Variants in ANTXR2 observed in about 807,000 individuals in gnomAD.
ANTXR2 encodes the protein ANTXR cell adhesion molecule 2.
Under a neutral mutation model 73.7 loss-of-function variants are expected in ANTXR2, and 44 were observed. The observed-to-expected ratio is 0.60, with a 90% CI of 0.47 to 0.77. The LOEUF is 0.77. Ranked by LOEUF, ANTXR2 falls within the 30% of genes least tolerant of loss-of-function variation. The probability of loss-of-function intolerance (pLI) is 0.00; values close to 1 mark genes in which losing one functional copy is unlikely to be tolerated. For missense variants in ANTXR2, 604 were observed against 592.5 expected (o/e 1.02, Z -0.20); for synonymous variants, 217 against 205.9 (o/e 1.05, Z -0.46).
chr4:79,973,665 G>A (rs1294214148), intron 16 of ANTXR2, among the ~76,000 whole-genome samples: 1 of 152,200 alleles, frequency 6.6e-6, no homozygotes. Context: ...CTGGCCTCAA[G>A]TGACCCACCT....
At chr4:80,041,791 CA>C (rs1335705075) in intron 7 of ANTXR2, among the ~76,000 whole-genome samples, 1 of 152,080 alleles carries the variant, frequency 6.6e-6, no homozygotes, top group Non-Finnish European at 1.5e-5. Flanking sequence ...TTGCAAAGGA[CA>C]TGATCTCATT....
intron 16 of ANTXR2, among the ~76,000 whole-genome samples, chr4:79,974,940 A>T (rs1729568641): frequency 6.6e-6 from 1 of 152,228 alleles, no homozygotes; most frequent in South Asian, 2.1e-4. Context: ...TATCTAACAG[A>T]TTACCTGATA....
chr4:80,054,861 T>C (rs1172549307), intron 6 of ANTXR2, among the ~76,000 whole-genome samples: 1 of 151,354 alleles, frequency 6.6e-6, no homozygotes, highest in Admixed American at 6.6e-5. Flanking sequence ...TATAATAACA[T>C]TTTGTCAATT....
At chr4:79,966,349 T>C (rs1729365159) in intron 16 of ANTXR2, among the ~76,000 whole-genome samples, 1 of 152,150 alleles carries the variant, frequency 6.6e-6, no homozygotes, top group African/African-American at 2.4e-5. Context: ...GTAAAAACCA[T>C]AAGGTTCAGT....
intron 16 of ANTXR2, among the ~76,000 whole-genome samples, chr4:79,944,771 C>G (rs1728454288): frequency 6.6e-6 from 1 of 152,150 alleles, no homozygotes; most frequent in South Asian, 2.1e-4. Flanking sequence ...TCCACCACTG[C>G]TGGCAGACTC....
intron 16 of ANTXR2, among the ~76,000 whole-genome samples, chr4:79,919,902 TATATATATATATATATATAA>T (rs1327984795): frequency 1.7e-3 from 29 of 17,154 alleles, no homozygotes; most frequent in African/African-American, 3.9e-3. Flanking sequence ...TATATATATA[TATATATATATATATATATAA>T]AAAATGATAG....
intron 14 of ANTXR2, among the ~76,000 whole-genome samples, chr4:79,981,949 T>G (rs1054720699): frequency 6.6e-6 from 1 of 152,196 alleles, no homozygotes; most frequent in African/African-American, 2.4e-5. Flanking sequence ...ACTTGAATTA[T>G]AGGTTAGTTA....
At chr4:79,995,032 C>T (rs1730657490) in intron 12 of ANTXR2, among the ~76,000 whole-genome samples, 1 of 151,978 alleles carries the variant, frequency 6.6e-6, no homozygotes, top group Non-Finnish European at 1.5e-5. Context: ...CCTGTTAGGT[C>T]CCAACCAGCC....
chr4:79,956,859 C>T (rs1018938178), intron 16 of ANTXR2, among the ~76,000 whole-genome samples: 12 of 151,918 alleles, frequency 7.9e-5, no homozygotes, highest in African/African-American at 2.9e-4. Context: ...AAGGAGACCC[C>T]GGGCAAATCA....
chr4:79,915,854 C>CTATATATA (rs1384449714), intron 16 of ANTXR2, among the ~76,000 whole-genome samples: 157 of 111,234 alleles, frequency 1.4e-3, no homozygotes, highest in Non-Finnish European at 1.8e-3. Flanking sequence ...CTCTCTCTCT[C>CTATATATA]TCTCTCTCTA....
chr4:80,062,910 A>T (rs1384567260), intron 3 of ANTXR2, among the ~76,000 whole-genome samples: 1 of 152,192 alleles, frequency 6.6e-6, no homozygotes, highest in Non-Finnish European at 1.5e-5. Flanking sequence ...GATGAAAATA[A>T]GGATGGTGTC....
intron 9 of ANTXR2, among the ~76,000 whole-genome samples, chr4:80,032,597 G>A (rs1732749128): frequency 6.6e-6 from 1 of 151,816 alleles, no homozygotes; most frequent in African/African-American, 2.4e-5. Flanking sequence ...CCAAAGCTGT[G>A]TTAATTGGAG....
At chr4:80,020,188 G>A (rs766783707) in intron 10 of ANTXR2, among the ~76,000 whole-genome samples, 6 of 152,002 alleles carry the variant, frequency 3.9e-5, no homozygotes, top group African/African-American at 9.7e-5. Context: ...GACCAGCCCC[G>A]GCAACACAGT....
intron 11 of ANTXR2, among the ~76,000 whole-genome samples, chr4:80,009,649 C>T (rs907932717): frequency 1.3e-5 from 2 of 151,914 alleles, no homozygotes; most frequent in Middle Eastern, 3.2e-3. Context: ...GAGTATGAGA[C>T]CAGCCTGGCC....
At chr4:80,000,391 T>C (rs1189844389) in intron 12 of ANTXR2, among the ~76,000 whole-genome samples, 1 of 152,074 alleles carries the variant, frequency 6.6e-6, no homozygotes, top group Non-Finnish European at 1.5e-5. Context: ...AGGTACTCTA[T>C]TTTGAATTTG....
At chr4:79,913,079 A>G (rs1727210111) in intron 16 of ANTXR2, among the ~76,000 whole-genome samples, 1 of 152,118 alleles carries the variant, frequency 6.6e-6, no homozygotes, top group South Asian at 2.1e-4. Context: ...AAACATCTAT[A>G]TTTATGTTTT....
chr4:79,932,792 CAAAAA>C (rs57359650), intron 16 of ANTXR2, among the ~76,000 whole-genome samples: 38 of 52,362 alleles, frequency 7.3e-4, no homozygotes, highest in African/African-American at 3.0e-3. Context: ...AACTCCATCT[CAAAAA>C]AAAAAAAAAA....
chr4:79,947,169 T>C (rs1052848232), intron 16 of ANTXR2, among the ~76,000 whole-genome samples: 1 of 152,158 alleles, frequency 6.6e-6, no homozygotes, highest in African/African-American at 2.4e-5. Flanking sequence ...TAGTTTTCCT[T>C]CAAATTTAAG....
intron 11 of ANTXR2, 103 bp from the exon 12 acceptor site, chr4:80,008,719 T>A (rs1731428352): frequency 1.6e-6 from 1 of 644,528 alleles, no homozygotes; most frequent in Non-Finnish European, 2.5e-6. Flanking sequence ...ATTCAGAAAG[T>A]ATAATGTCAA....
Sources: allele counts gnomAD v4.1 joint callset (sites outside exome capture counted in the v4.1 genomes callset), GRCh38; gene constraint gnomAD v4.1.1; transcripts MANE v1.5; gene names NCBI Gene and HGNC (gene_info 2026-07-23, HGNC 2026-07-21).